ORC2: variants seen among roughly 807,000 people sequenced by gnomAD.
The protein encoded by ORC2 is origin recognition complex protein 2 homolog.
Under a neutral mutation model 77.7 loss-of-function variants are expected in ORC2, and 37 were observed. That is an observed-to-expected ratio of 0.48 (90% confidence interval 0.37 to 0.63). The LOEUF (loss-of-function observed/expected upper bound fraction) is 0.63, where lower values mean the gene tolerates loss of function less well. Among genes scored for constraint, ORC2 ranks in the 20% least tolerant of loss-of-function variants. The pLI is 0.00. For missense variants in ORC2, 557 were observed against 661.9 expected, an observed-to-expected ratio of 0.84 and a Z score of 1.74; for synonymous variants, 201 against 229.5, an observed-to-expected ratio of 0.88 and a Z score of 1.12.
intron 5 of ORC2, among the ~76,000 whole-genome samples, chr2:200,946,090 C>T (rs1307751188): frequency 6.6e-6 from 1 of 152,098 alleles, no homozygotes; most frequent in African/African-American, 2.4e-5. Context: ...GCCTTCCTAT[C>T]TAACTTATAG....
chr2:200,957,688 T>C, intron 3 of ORC2, 144 bp from the exon 4 acceptor site: 1 of 526,794 alleles, frequency 1.9e-6, no homozygotes, highest in Non-Finnish European at 3.1e-6. Context: ...CTGACCACTC[T>C]GACCACTCTT....
At chr2:200,942,971 A>G in intron 5 of ORC2, 194 bp from the exon 6 acceptor site, 1 of 388,692 alleles carries the variant, frequency 2.6e-6, no homozygotes, top group Non-Finnish European at 4.6e-6. Context: ...ATTTTCCTTC[A>G]TATTACCCAC....
chr2:200,949,779 T>A, intron 4 of ORC2, 136 bp from the exon 5 acceptor site: 1 of 463,812 alleles, frequency 2.2e-6, no homozygotes, highest in South Asian at 3.8e-5. Context: ...TATAAAATAT[T>A]TGGAAATACA....
chr2:200,939,629 A>T (rs577487291), intron 7 of ORC2, among the ~76,000 whole-genome samples: 13 of 152,294 alleles, frequency 8.5e-5, no homozygotes, highest in African/African-American at 3.1e-4. Flanking sequence ...ACCATTTTGA[A>T]AAACCTGCTT....
rs916668242 is a variant in ORC2 at position 200,963,589 on chromosome 2, G to A, written c.-159C>T. The stretch of plus-strand genomic sequence containing the variant: ...GGGAAGGTACCTTCGGCCCCAACGG[G>A]AAAAGCCAATTTCCAGTAATTCGCG... On this transcript the variant is annotated 5_prime_UTR_variant, in exon 1 of 18. Transcript: ENST00000234296. The A allele has an allele frequency of 1.0e-5, 4 of 398,462 alleles. No individual in the cohort carries two copies. Among genetic ancestry groups the A allele is most frequent in the African/African-American group, 6.2e-5 (3 of 48,650 alleles). 24.7% of individuals were successfully genotyped at this position (398,462 alleles called of 1,614,324 possible).
At chr2:200,943,739 T>C (rs1023662625) in intron 5 of ORC2, among the ~76,000 whole-genome samples, 2 of 152,010 alleles carry the variant, frequency 1.3e-5, no homozygotes, top group Admixed American at 1.3e-4. Context: ...TAACAATCTC[T>C]ACAAATGAAT....
intron 8 of ORC2, among the ~76,000 whole-genome samples, chr2:200,936,414 G>T (rs1157365692): frequency 6.6e-6 from 1 of 152,152 alleles, no homozygotes; most frequent in Non-Finnish European, 1.5e-5. Context: ...CGGAAGAAAA[G>T]CCCCTATTTA....
At chr2:200,960,406 G>A (rs1310202438) in intron 1 of ORC2, among the ~76,000 whole-genome samples, 1 of 152,090 alleles carries the variant, frequency 6.6e-6, no homozygotes, top group Non-Finnish European at 1.5e-5. Flanking sequence ...TATGACCATT[G>A]CTTGTAAAAC....
At chr2:200,922,108 C>T (rs2040771508) in intron 13 of ORC2, among the ~76,000 whole-genome samples, 1 of 127,788 alleles carries the variant, frequency 7.8e-6, no homozygotes, top group Non-Finnish European at 1.5e-5. Flanking sequence ...ATAGAAAACC[C>T]GGATTATCAC....
At chr2:200,954,226 G>C (rs1411974334) in intron 4 of ORC2, among the ~76,000 whole-genome samples, 2 of 151,950 alleles carry the variant, frequency 1.3e-5, no homozygotes, top group Non-Finnish European at 2.9e-5. Context: ...TAGAGACACG[G>C]TTTCGCCATG....
chr2:200,932,151 TA>T (rs1028007726), intron 10 of ORC2, among the ~76,000 whole-genome samples: 37 of 152,022 alleles, frequency 2.4e-4, no homozygotes, highest in Non-Finnish European at 3.5e-4. Flanking sequence ...TACCTTTAAG[TA>T]AAATTGTTAA....
In ORC2 at chr2:200,931,390, T is replaced by C; in HGVS notation, c.866A>G (p.Gln289Arg). The change falls in exon 11 of 18, where the codon CAA becomes CGA. Residue 289 changes from glutamine to arginine, a missense_variant. Coordinates refer to ENST00000234296, the MANE Select transcript of ORC2 (RefSeq NM_006190.5). ...TAATTTTTCATACTGTTGATTTAGT[T>C]GTTTAAGTTCGGCAGAAAAGGAAGG... is the stretch of plus-strand genomic sequence containing the variant. ...VSPSFSAELK[Q>R]LNQQYEKLFH... is the part of the protein sequence containing the mutation. The C allele has an allele frequency of 6.5e-7, 1 of 1,539,058 alleles. No homozygotes were observed. The highest frequency in any genetic ancestry group is 8.7e-7 in the Non-Finnish European group (1 of 1,148,984).
chr2:200,922,730 C>A (rs16835746), intron 13 of ORC2, among the ~76,000 whole-genome samples: 1 of 152,082 alleles, frequency 6.6e-6, no homozygotes, highest in African/African-American at 2.4e-5. Context: ...CAAAACCAAA[C>A]GTATGTATAC....
At chr2:200,930,367 C>T (rs367792900) in intron 11 of ORC2, among the ~76,000 whole-genome samples, 2 of 151,962 alleles carry the variant, frequency 1.3e-5, no homozygotes, top group African/African-American at 4.8e-5. Context: ...TAAGTTGACA[C>T]GCTGGGAGAA....
At chr2:200,928,385 C>A (rs1365982995) in intron 11 of ORC2, among the ~76,000 whole-genome samples, 1 of 151,692 alleles carries the variant, frequency 6.6e-6, no homozygotes, top group Non-Finnish European at 1.5e-5. Context: ...TATTCCAAAC[C>A]CATACAAGGT....
chr2:200,936,753 G>A (rs11889022), intron 8 of ORC2, among the ~76,000 whole-genome samples: 1 of 152,022 alleles, frequency 6.6e-6, no homozygotes. Context: ...TTCAAGAATT[G>A]TCTTTTTAAA....
intron 15 of ORC2, among the ~76,000 whole-genome samples, chr2:200,919,290 A>G (rs968469042): frequency 6.6e-6 from 1 of 152,206 alleles, no homozygotes; most frequent in Non-Finnish European, 1.5e-5. Flanking sequence ...ATATAATTCT[A>G]TAATTTTATG....
At chr2:200,928,143 G>C (rs1376725463) in intron 11 of ORC2, among the ~76,000 whole-genome samples, 2 of 151,284 alleles carry the variant, frequency 1.3e-5, no homozygotes, top group African/African-American at 2.4e-5. Context: ...ATCACATGAG[G>C]CCAGGAATTC....
At chr2:200,916,132 TTAAA>T (rs2040645313) in intron 15 of ORC2, among the ~76,000 whole-genome samples, 2 of 152,138 alleles carry the variant, frequency 1.3e-5, no homozygotes, top group Non-Finnish European at 2.9e-5. Flanking sequence ...TCAAAATAGT[TTAAA>T]TAAGAAAATG....
Sources: gnomAD v4.1 joint callset for allele counts (sites outside exome capture counted in the v4.1 genomes callset) on GRCh38, gnomAD v4.1.1 for gene constraint, MANE v1.5 for transcripts, NCBI Gene and HGNC (gene_info 2026-07-23, HGNC 2026-07-21) for gene names.